The following FBXL13 variants were observed in gnomAD, a reference collection of about 807,000 sequenced individuals.
The protein encoded by FBXL13 is F-box and leucine-rich repeat protein 13.
Under a neutral mutation model 83.6 loss-of-function variants are expected in FBXL13, and 67 were observed. That is an observed-to-expected ratio of 0.80 (90% CI 0.66 to 0.98). The LOEUF (loss-of-function observed/expected upper bound fraction) is 0.98. Among genes scored for constraint, FBXL13 ranks in the 50% least tolerant of loss-of-function variants. The pLI is 0.00. For synonymous variants in FBXL13, 272 were observed against 299.5 expected, an observed-to-expected ratio of 0.91 and a Z score of 0.95; for missense variants, 822 against 866.5, an observed-to-expected ratio of 0.95 and a Z score of 0.64.
intron 7 of FBXL13, among the ~76,000 whole-genome samples, chr7:102,964,402 A>AT (rs1186354806): frequency 5.5e-4 from 74 of 134,820 alleles, no homozygotes; most frequent in Non-Finnish European, 6.7e-4. Context: ...ATATATATAT[A>AT]TATTTTTTTT....
intron 6 of FBXL13, among the ~76,000 whole-genome samples, chr7:103,016,010 A>G (rs570797863): frequency 6.6e-6 from 1 of 152,270 alleles, no homozygotes; most frequent in African/African-American, 2.4e-5. Flanking sequence ...GAAAACAGAG[A>G]TGACACAAAC....
intron 8 of FBXL13, among the ~76,000 whole-genome samples, chr7:102,960,054 G>C (rs1464730234): frequency 6.6e-6 from 1 of 152,004 alleles, no homozygotes; most frequent in Non-Finnish European, 1.5e-5. Context: ...AAGTGAATAG[G>C]TTTGAGGGAA....
intron 6 of FBXL13, among the ~76,000 whole-genome samples, chr7:102,994,394 T>C (rs1449236481): frequency 1.3e-5 from 2 of 150,498 alleles, no homozygotes; most frequent in South Asian, 2.1e-4. Flanking sequence ...GAAATATTAA[T>C]ATATATTCTA....
intron 6 of FBXL13, among the ~76,000 whole-genome samples, chr7:103,002,221 TATAGAA>T (rs1388816785): frequency 6.6e-6 from 1 of 152,196 alleles, no homozygotes; most frequent in Non-Finnish European, 1.5e-5. Flanking sequence ...AAAAAAATCT[TATAGAA>T]ATGGCAAGTT....
chr7:102,830,675 C>T (rs184772359), intron 18 of FBXL13, among the ~76,000 whole-genome samples: 17 of 152,288 alleles, frequency 1.1e-4, no homozygotes, highest in Non-Finnish European at 1.6e-4. Flanking sequence ...ACCATACAAA[C>T]CAAACAACAT....
intron 16 of FBXL13, among the ~76,000 whole-genome samples, chr7:102,865,792 C>T (rs1807559896): frequency 1.3e-5 from 2 of 152,004 alleles, no homozygotes; most frequent in Non-Finnish European, 2.9e-5. Flanking sequence ...GATCCGCCTG[C>T]CTTGGCCTCC....
chr7:103,062,039 A>C (rs937043656), intron 1 of FBXL13, among the ~76,000 whole-genome samples: 8 of 151,372 alleles, frequency 5.3e-5, no homozygotes, highest in East Asian at 3.9e-4. Flanking sequence ...AAAAAAAAAA[A>C]AAAAACAAAC....
chr7:102,981,972 AG>A, intron 6 of FBXL13, among the ~76,000 whole-genome samples: 1 of 152,254 alleles, frequency 6.6e-6, no homozygotes, highest in South Asian at 2.1e-4. Flanking sequence ...TGTGAGGCTG[AG>A]GGGGGCAGAT....
intron 6 of FBXL13, among the ~76,000 whole-genome samples, chr7:102,985,382 C>T (rs1461631260): frequency 1.3e-5 from 2 of 152,196 alleles, no homozygotes; most frequent in African/African-American, 4.8e-5. Flanking sequence ...AACCAGCAAA[C>T]AAACCATTCC....
intron 8 of FBXL13, among the ~76,000 whole-genome samples, chr7:102,949,696 C>T (rs936657201): frequency 7.2e-5 from 11 of 152,184 alleles, no homozygotes; most frequent in Admixed American, 2.6e-4. Context: ...AAAAATACTG[C>T]GTGAAATATA....
intron 17 of FBXL13, among the ~76,000 whole-genome samples, chr7:102,834,094 G>GGA (rs1261823399): frequency 0.029 from 2,465 of 86,468 alleles, 109 homozygotes; most frequent in East Asian, 0.073. Flanking sequence ...AGAAAAGAAA[G>GGA]AAAGAAAGAA....
chr7:102,899,018 C>T (rs954008074), intron 11 of FBXL13, among the ~76,000 whole-genome samples: 3 of 152,108 alleles, frequency 2.0e-5, no homozygotes, highest in Non-Finnish European at 2.9e-5. Context: ...CGGGTTCAAG[C>T]GATTCTCCTG....
chr7:102,870,857 A>T (rs1278272180), intron 16 of FBXL13, among the ~76,000 whole-genome samples: 1 of 152,180 alleles, frequency 6.6e-6, no homozygotes, highest in Non-Finnish European at 1.5e-5. Flanking sequence ...TCGAGGCTGC[A>T]GTAAGTTTTG....
At chr7:102,888,539 T>TAAAAG (rs1189235262) in intron 11 of FBXL13, among the ~76,000 whole-genome samples, 1 of 151,936 alleles carries the variant, frequency 6.6e-6, no homozygotes, top group African/African-American at 2.4e-5. Context: ...TGTCTCAAAA[T>TAAAAG]AAAAGAAAAG....
At chr7:103,023,591 T>C (rs377755842) in intron 6 of FBXL13, among the ~76,000 whole-genome samples, 1 of 152,280 alleles carries the variant, frequency 6.6e-6, no homozygotes, top group South Asian at 2.1e-4. Flanking sequence ...TAAAACAGAA[T>C]TGCCATTCAA....
chr7:102,897,062 G>A (rs1432380306), intron 11 of FBXL13, among the ~76,000 whole-genome samples: 1 of 151,158 alleles, frequency 6.6e-6, no homozygotes, highest in East Asian at 1.9e-4. Flanking sequence ...TGTCTGGGTT[G>A]GAGATATATA....
chr7:102,840,730 G>GA (rs908518265), intron 17 of FBXL13, among the ~76,000 whole-genome samples: 2 of 152,074 alleles, frequency 1.3e-5, no homozygotes, highest in Admixed American at 6.6e-5. Context: ...CAGTCTAGTG[G>GA]AAAAAAAGAG....
At chr7:102,861,947 A>T (rs192024196) in intron 16 of FBXL13, among the ~76,000 whole-genome samples, 1 of 146,358 alleles carries the variant, frequency 6.8e-6, no homozygotes, top group Non-Finnish European at 1.5e-5. Flanking sequence ...GTGCCACTGC[A>T]CTCCAGCCTG....
chr7:102,975,065 A>G (rs1301142453), intron 6 of FBXL13, among the ~76,000 whole-genome samples: 1 of 152,066 alleles, frequency 6.6e-6, no homozygotes, highest in Non-Finnish European at 1.5e-5. Context: ...AACCCTCAGC[A>G]GGAACCACTT....
Sources: gnomAD v4.1 joint callset for allele counts (sites outside exome capture counted in the v4.1 genomes callset) on GRCh38, gnomAD v4.1.1 for gene constraint, MANE v1.5 for transcripts, NCBI Gene and HGNC (gene_info 2026-07-23, HGNC 2026-07-21) for gene names.